POLR1C: variants seen among roughly 807,000 people sequenced by gnomAD.
POLR1C encodes the protein RNA polymerase I and III subunit C, also known as DNA-directed RNA polymerases I and III subunit RPAC1.
POLR1C carries 42 observed loss-of-function variants against 38.3 expected under a neutral mutation model. The observed-to-expected ratio is 1.10, with a 90% CI of 0.86 to 1.42. The LOEUF is 1.42. Among genes scored for constraint, POLR1C ranks in the 40% most tolerant of loss-of-function variants. POLR1C has a pLI of 0.00. For missense variants in POLR1C, 507 were observed against 450.5 expected, an observed-to-expected ratio of 1.13 and a Z score of -1.14; for synonymous variants, 163 against 163.9, an observed-to-expected ratio of 0.99 and a Z score of 0.04.
Position 43,549,796 on chromosome 6 carries a change from C to G in POLR1C, c.*5-1172C>G. 3.7e-6 allele frequency: 5 copies of G among 1,339,976 alleles called. No homozygotes were observed. In the African/African-American group the frequency reaches 4.4e-5, roughly 12 times the overall value. 83.0% of individuals were successfully genotyped at this position (1,339,976 alleles called of 1,614,324 possible). ...ATATGATAATCTACCACCCTTACTA[C>G]CCCCTCCCATTTATATAAAAATATA... On this transcript the variant is annotated intron_variant, in intron 9 of 10. Coordinates refer to the POLR1C transcript ENST00000607635.
chr6:43,553,583 A>T, intron 10 of POLR1C: 3 of 1,499,902 alleles, frequency 2.0e-6, no homozygotes, highest in Non-Finnish European at 2.7e-6. Flanking sequence ...GAAGACACAG[A>T]GAGACAATGG....
downstream of POLR1C, chr6:43,525,801 G>C: frequency 1.2e-6 from 2 of 1,603,504 alleles, no homozygotes; most frequent in East Asian, 4.5e-5. Context: ...TCCCCACCTG[G>C]GCAAGGAGTA....
chr6:43,539,370 C>A (rs143691472), intron 9 of POLR1C: 50,964 of 1,578,200 alleles, frequency 0.032, 955 homozygotes, highest in Non-Finnish European at 0.038. Flanking sequence ...TGCTTCTGCA[C>A]TGGCATAATC....
intron 10 of POLR1C, among the ~76,000 whole-genome samples, chr6:43,559,967 C>A (rs763842643): frequency 1.3e-5 from 2 of 152,174 alleles, no homozygotes; most frequent in African/African-American, 2.4e-5. Flanking sequence ...CAGGTGCATA[C>A]CAACATGCCC....
chr6:43,523,496 C>A, downstream of POLR1C: 1 of 388,942 alleles, frequency 2.6e-6, no homozygotes, highest in Non-Finnish European at 5.1e-6. Flanking sequence ...CCTTGCTAGT[C>A]GCAGGGTTGG....
At chr6:43,528,363 C>A (rs1166092439) in intron 8 of POLR1C, among the ~76,000 whole-genome samples, 1 of 152,122 alleles carries the variant, frequency 6.6e-6, no homozygotes, top group Non-Finnish European at 1.5e-5. Context: ...TTAAAAAAAA[C>A]ATCTATGGTT....
At chr6:43,536,480 C>T (rs1020731451) in intron 9 of POLR1C, among the ~76,000 whole-genome samples, 8 of 151,214 alleles carry the variant, frequency 5.3e-5, no homozygotes, top group Non-Finnish European at 8.8e-5. Flanking sequence ...TTACTTTGGC[C>T]AGATGCGGTG....
chr6:43,535,061 G>C (rs1794231502), intron 9 of POLR1C, among the ~76,000 whole-genome samples: 1 of 151,860 alleles, frequency 6.6e-6, no homozygotes, highest in South Asian at 2.1e-4. Flanking sequence ...GGGAGGCTGA[G>C]GTGGGTGGAT....
chr6:43,558,546 G>A (rs1437497944), intron 10 of POLR1C: 2 of 1,604,414 alleles, frequency 1.2e-6, no homozygotes, highest in Non-Finnish European at 8.5e-7. Flanking sequence ...AAATCAAACC[G>A]AGAATATTCA....
intron 8 of POLR1C, chr6:43,528,232 C>G (rs1793722063): frequency 6.4e-7 from 1 of 1,574,168 alleles, no homozygotes; most frequent in African/African-American, 1.3e-5. Context: ...GAAATAAATG[C>G]TAGAATTGGG....
intron 10 of POLR1C, chr6:43,556,160 G>A (rs1762075165): frequency 1.6e-6 from 1 of 634,484 alleles, no homozygotes; most frequent in Non-Finnish European, 2.5e-6. Flanking sequence ...AATGATCTCT[G>A]GAAACTGTAT....
downstream of POLR1C, among the ~76,000 whole-genome samples, chr6:43,521,773 C>G (rs185897002): frequency 2.0e-5 from 3 of 152,296 alleles, no homozygotes; most frequent in South Asian, 2.1e-4. Flanking sequence ...TCAAGTGATA[C>G]GCCTGCCTTG....
chr6:43,549,501 G>C, intron 9 of POLR1C: 2 of 1,611,774 alleles, frequency 1.2e-6, no homozygotes, highest in South Asian at 2.2e-5. Context: ...GCACAAGCTG[G>C]GGGTAGTCAC....
At chr6:43,560,829 A>G (rs1478518264) in intron 10 of POLR1C, 3 of 1,082,188 alleles carry the variant, frequency 2.8e-6, no homozygotes, top group Admixed American at 1.8e-5. Context: ...GAAGAGTCAC[A>G]TTTTATACAT....
chr6:43,531,398 G>A (rs969332642), downstream of POLR1C: 1 of 1,320,584 alleles, frequency 7.6e-7, no homozygotes, highest in Non-Finnish European at 1.1e-6. Context: ...CTGTACACTA[G>A]ATGAAAAGTC....
chr6:43,548,126 T>A, intron 9 of POLR1C: 1 of 921,234 alleles, frequency 1.1e-6, no homozygotes, highest in Non-Finnish European at 1.6e-6. Context: ...AAGACTGCTT[T>A]TAGAGAACTT....
chr6:43,519,584 A>G, intron 3 of POLR1C, 122 bp from the exon 4 acceptor site: 1 of 1,500,196 alleles, frequency 6.7e-7, no homozygotes, highest in Non-Finnish European at 9.3e-7. Flanking sequence ...CATTCTTTGT[A>G]AATTTCTCAT....
chr6:43,523,984 G>T (rs1383469589), downstream of POLR1C: 1 of 1,613,366 alleles, frequency 6.2e-7, no homozygotes, highest in East Asian at 2.2e-5. Context: ...ACTTCTTTTC[G>T]GAACTGCTCT....
chr6:43,553,942 A>G (rs1761873081), intron 10 of POLR1C, among the ~76,000 whole-genome samples: 1 of 152,182 alleles, frequency 6.6e-6, no homozygotes, highest in Non-Finnish European at 1.5e-5. Context: ...GAATCTTCCC[A>G]ATAAGGAAAC....
Sources: gnomAD v4.1 joint callset for allele counts (sites outside exome capture counted in the v4.1 genomes callset) on GRCh38, gnomAD v4.1.1 for gene constraint, MANE v1.5 for transcripts, NCBI Gene and HGNC (gene_info 2026-07-23, HGNC 2026-07-21) for gene names.